The following TNFRSF19 variants were observed in gnomAD, a reference collection of about 807,000 sequenced individuals.
TNFRSF19 encodes tumor necrosis factor receptor superfamily member 19.
Under a neutral mutation model 46.4 loss-of-function variants are expected in TNFRSF19, and 27 were observed. That is an observed-to-expected ratio of 0.58 (90% confidence interval 0.43 to 0.80). The LOEUF is 0.80. TNFRSF19 is among the 30% of genes least tolerant of loss of function. The pLI is 0.00. For synonymous variants in TNFRSF19, 204 were observed against 205.0 expected, an observed-to-expected ratio of 1.00 and a Z score of 0.04; for missense variants, 511 against 530.8, an observed-to-expected ratio of 0.96 and a Z score of 0.37.
At chr13:23,619,043 C>T (rs1041522854) in intron 4 of TNFRSF19, among the ~76,000 whole-genome samples, 7 of 152,164 alleles carry the variant, frequency 4.6e-5, no homozygotes, top group Admixed American at 4.6e-4. Flanking sequence ...GCCTTCAGAA[C>T]TATGAGAAAT....
At chr13:23,625,270 T>C (rs569272784) in intron 4 of TNFRSF19, among the ~76,000 whole-genome samples, 3 of 152,164 alleles carry the variant, frequency 2.0e-5, no homozygotes, top group South Asian at 4.2e-4. Flanking sequence ...TTGGTGGACA[T>C]TGGGATTGTG....
chr13:23,598,071 A>G (rs1236175244), intron 3 of TNFRSF19, among the ~76,000 whole-genome samples: 1 of 152,166 alleles, frequency 6.6e-6, no homozygotes, highest in Non-Finnish European at 1.5e-5. Flanking sequence ...CTCTCAATAA[A>G]CTAGGTATTG....
rs529316012 is a variant in TNFRSF19 at position 23,597,476 on chromosome 13, C to G, written c.180+4021C>G. Among the ~76,000 whole-genome samples the G allele has an allele frequency of 1.1e-4, 17 of 152,278 alleles. 1 individual carries two copies. Among genetic ancestry groups the G allele is most frequent in the Middle Eastern group, 3.4e-3 (1 of 294 alleles). On this transcript the variant is annotated intron_variant, in intron 3 of 9. Coordinates refer to ENST00000248484, the MANE Select transcript of TNFRSF19 (RefSeq NM_148957.4). ...AGAGAATACTATAAACACCTCTATG[C>G]AAATAAATTAGAAAATCTAGAAGAA...
intron 7 of TNFRSF19, among the ~76,000 whole-genome samples, chr13:23,660,799 C>T (rs779960296): frequency 2.0e-5 from 3 of 152,098 alleles, no homozygotes; most frequent in Admixed American, 6.6e-5. Flanking sequence ...TAGAGTAGGA[C>T]TTTATATCCT....
At chr13:23,614,031 C>A (rs1881079675) in intron 3 of TNFRSF19, among the ~76,000 whole-genome samples, 1 of 152,210 alleles carries the variant, frequency 6.6e-6, no homozygotes, top group East Asian at 1.9e-4. Flanking sequence ...AAGAGATAAT[C>A]CCTGTTAACA....
chr13:23,649,595 G>C (rs1350239292), intron 5 of TNFRSF19, among the ~76,000 whole-genome samples: 1 of 151,302 alleles, frequency 6.6e-6, no homozygotes, highest in Admixed American at 6.6e-5. Context: ...CTACCTTTTA[G>C]CTTAGTTTGG....
At chr13:23,669,346 G>GCA in intron 9 of TNFRSF19, 1 of 1,283,570 alleles carries the variant, frequency 7.8e-7, no homozygotes, top group Non-Finnish European at 9.8e-7. Context: ...CAACCACTTA[G>GCA]CACAGCACCT....
At chr13:23,597,448 A>G (rs1879813276) in intron 3 of TNFRSF19, among the ~76,000 whole-genome samples, 2 of 152,228 alleles carry the variant, frequency 1.3e-5, no homozygotes, top group South Asian at 4.1e-4. Flanking sequence ...ACAAACTACC[A>G]TCAGAGAATA....
intron 7 of TNFRSF19, among the ~76,000 whole-genome samples, chr13:23,665,026 G>C (rs56172809): frequency 0.27 from 40,485 of 152,056 alleles, 5,624 homozygotes; most frequent in Non-Finnish European, 0.31. Context: ...TTCTTTTTCT[G>C]CTAATTATTA....
intron 1 of TNFRSF19, among the ~76,000 whole-genome samples, chr13:23,583,286 C>G (rs187928806): frequency 1.3e-5 from 2 of 152,136 alleles, no homozygotes; most frequent in Admixed American, 6.5e-5. Context: ...TAATTTTCAT[C>G]ACTCCAGTGG....
At chr13:23,586,867 C>A (rs971764486) in intron 1 of TNFRSF19, among the ~76,000 whole-genome samples, 1 of 152,096 alleles carries the variant, frequency 6.6e-6, no homozygotes, top group Non-Finnish European at 1.5e-5. Flanking sequence ...GATAGTGAGG[C>A]CGACATTTCA....
At chr13:23,596,699 C>T (rs557502520) in intron 3 of TNFRSF19, among the ~76,000 whole-genome samples, 1 of 152,140 alleles carries the variant, frequency 6.6e-6, no homozygotes, top group Non-Finnish European at 1.5e-5. Flanking sequence ...ATCAACGAGA[C>T]AGAAAATTAA....
chr13:23,667,124 T>G (rs183574901), intron 7 of TNFRSF19, among the ~76,000 whole-genome samples: 26 of 83,450 alleles, frequency 3.1e-4, no homozygotes, highest in Admixed American at 1.2e-3. Flanking sequence ...CAGAGTGATA[T>G]ATATATATAT....
rs1386962401 is a variant in TNFRSF19, at chr13:23,675,807, G to A, written c.*2427G>A. ...TGAGGAGGATTTCAAGAGCAACCAAGTAAAGTCATGAATTTTCTAATTTTG... is the reference window on the plus strand; with the variant it reads ...TGAGGAGGATTTCAAGAGCAACCAAATAAAGTCATGAATTTTCTAATTTTG... On this transcript the variant is annotated 3_prime_UTR_variant, in exon 10 of 10. Coordinates refer to ENST00000248484, the MANE Select transcript of TNFRSF19 (RefSeq NM_148957.4). 6.6e-6 allele frequency: 1 copy of A among 152,074 alleles called. No homozygotes were observed. Among genetic ancestry groups the A allele is most frequent in the African/African-American group, 2.4e-5 (1 of 41,412 alleles). The allele number at this position is 152,074 out of a possible 1,614,324, so 9.4% of individuals were successfully genotyped here.
chr13:23,587,666 C>T (rs1007728907), intron 1 of TNFRSF19, among the ~76,000 whole-genome samples: 10 of 152,110 alleles, frequency 6.6e-5, no homozygotes, highest in Admixed American at 2.6e-4. Flanking sequence ...GTCAGCATGG[C>T]GGGATGCTGA....
chr13:23,625,288 A>C (rs937209060), intron 4 of TNFRSF19, among the ~76,000 whole-genome samples: 2 of 148,602 alleles, frequency 1.3e-5, no homozygotes, highest in Non-Finnish European at 3.0e-5. Context: ...GTGCCTAATT[A>C]GCTTTTTTCC....
chr13:23,597,626 G>A (rs996145228), intron 3 of TNFRSF19, among the ~76,000 whole-genome samples: 1 of 152,052 alleles, frequency 6.6e-6, no homozygotes, highest in Non-Finnish European at 1.5e-5. Flanking sequence ...ACCAAAAAAA[G>A]CTCAGGACCA....
At chr13:23,603,880 T>G (rs1880336704) in intron 3 of TNFRSF19, among the ~76,000 whole-genome samples, 1 of 152,006 alleles carries the variant, frequency 6.6e-6, no homozygotes, top group South Asian at 2.1e-4. Flanking sequence ...ACCAAAACTC[T>G]AGAGTTGATA....
intron 5 of TNFRSF19, among the ~76,000 whole-genome samples, chr13:23,635,690 T>C (rs116306577): frequency 0.01 from 1,540 of 152,322 alleles, 26 homozygotes; most frequent in African/African-American, 0.036. Context: ...AAAACATTAT[T>C]TTAATTGCTT....
Sources: allele counts gnomAD v4.1 joint callset (sites outside exome capture counted in the v4.1 genomes callset), GRCh38; gene constraint gnomAD v4.1.1; transcripts MANE v1.5; gene names NCBI Gene and HGNC (gene_info 2026-07-23, HGNC 2026-07-21).